Variants in P3H2 observed in about 807,000 individuals in gnomAD.
P3H2 encodes the protein prolyl 3-hydroxylase 2.
In P3H2, 80 loss-of-function variants were observed where a neutral mutation model predicts 87.0. That is an observed-to-expected ratio of 0.92 (90% confidence interval 0.77 to 1.11). The LOEUF (loss-of-function observed/expected upper bound fraction) is 1.11. P3H2 is among the 50% of genes least tolerant of loss of function. P3H2 has a pLI of 0.00. For synonymous variants in P3H2, 367 were observed against 359.3 expected (o/e 1.02, Z -0.24); for missense variants, 1,001 against 923.9 (o/e 1.08, Z -1.08).
At chr3:190,118,897 AGCCTG>A (rs1712401443) in intron 1 of P3H2, among the ~76,000 whole-genome samples, 1 of 151,692 alleles carries the variant, frequency 6.6e-6, no homozygotes, top group South Asian at 2.1e-4. Flanking sequence ...GTTCGAGACC[AGCCTG>A]GCCAACATGG....
chr3:189,986,740 G>T, intron 6 of P3H2, 48 bp downstream of exon 6: 1 of 1,310,664 alleles, frequency 7.6e-7, no homozygotes, highest in South Asian at 1.2e-5. Context: ...ACATAAAAAG[G>T]ATTCCACTGA....
chr3:190,081,782 GA>G (rs1727052147), intron 1 of P3H2, among the ~76,000 whole-genome samples: 1 of 152,192 alleles, frequency 6.6e-6, no homozygotes, highest in Admixed American at 6.5e-5. Flanking sequence ...GTTATAATAT[GA>G]AATGCAGACA....
chr3:190,112,805 T>TA (rs1261796357), intron 1 of P3H2, among the ~76,000 whole-genome samples: 1 of 151,570 alleles, frequency 6.6e-6, no homozygotes, highest in African/African-American at 2.4e-5. Flanking sequence ...TTTTTAGAGA[T>TA]ATGTGTAGGC....
At chr3:190,093,176 A>G (rs1367469328) in intron 1 of P3H2, among the ~76,000 whole-genome samples, 1 of 152,222 alleles carries the variant, frequency 6.6e-6, no homozygotes, top group Non-Finnish European at 1.5e-5. Context: ...AAACAACTCT[A>G]AAACCTTAGT....
rs1242451649 is a variant in P3H2, at chr3:189,970,177, C to CAT, written c.1893+637_1893+638dup. On this transcript the variant is annotated intron_variant, in intron 13 of 14. Transcript: ENST00000319332. ...AGTCACAATCATATATCTCTCTATG[C>CAT]ATATATATATGCAAATATATATATA... 3.5e-4 allele frequency among the ~76,000 whole-genome samples: 17 copies of CAT among 48,292 alleles called. No individual in the cohort carries two copies. In the East Asian group the frequency reaches 0.01, roughly 29 times the overall value. 31.7% of individuals were successfully genotyped at this position (48,292 alleles called of 152,430 possible).
chr3:190,117,921 G>C (rs939446051), intron 1 of P3H2, among the ~76,000 whole-genome samples: 1 of 152,168 alleles, frequency 6.6e-6, no homozygotes, highest in Non-Finnish European at 1.5e-5. Flanking sequence ...GAAGACGCAA[G>C]ACTTGTTCTG....
At chr3:190,065,921 T>C (rs965131329) in intron 1 of P3H2, among the ~76,000 whole-genome samples, 1 of 152,074 alleles carries the variant, frequency 6.6e-6, no homozygotes, top group Admixed American at 6.6e-5. Flanking sequence ...GTCGTTCAGG[T>C]AGAAGAATTT....
intron 1 of P3H2, among the ~76,000 whole-genome samples, chr3:190,066,207 A>G (rs1312021658): frequency 6.6e-6 from 1 of 151,488 alleles, no homozygotes. Context: ...ATATGATGGA[A>G]TATGGATATA....
At chr3:189,964,259 C>T (rs777920858) in intron 13 of P3H2, 161 bp from the exon 14 acceptor site, 13 of 721,022 alleles carry the variant, frequency 1.8e-5, no homozygotes, top group East Asian at 2.7e-5. Flanking sequence ...TTTTCTCACC[C>T]GTAAAACAAA....
chr3:190,072,228 T>A (rs1048942162), intron 1 of P3H2, among the ~76,000 whole-genome samples: 1 of 152,158 alleles, frequency 6.6e-6, no homozygotes, highest in African/African-American at 2.4e-5. Flanking sequence ...GGTTTGACCA[T>A]GTTGGCCAGG....
chr3:190,052,519 G>C (rs367557561), intron 1 of P3H2, among the ~76,000 whole-genome samples: 2 of 151,974 alleles, frequency 1.3e-5, no homozygotes, highest in African/African-American at 4.8e-5. Flanking sequence ...AGCTCACATT[G>C]ATTGAGATCT....
At chr3:190,094,323 C>T (rs1020273565) in intron 1 of P3H2, among the ~76,000 whole-genome samples, 1 of 152,216 alleles carries the variant, frequency 6.6e-6, no homozygotes, top group African/African-American at 2.4e-5. Context: ...TTTAGTATTT[C>T]AACTAGCCTC....
intron 1 of P3H2, among the ~76,000 whole-genome samples, chr3:190,065,583 CT>C (rs1577305252): frequency 6.6e-6 from 1 of 152,042 alleles, no homozygotes. Context: ...GAATTACTTT[CT>C]AACTGAAGAC....
chr3:189,971,303 G>C (rs1180734589), intron 12 of P3H2, among the ~76,000 whole-genome samples: 1 of 152,210 alleles, frequency 6.6e-6, no homozygotes, highest in African/African-American at 2.4e-5. Context: ...TTGCTGAAGA[G>C]TTCCTTGTGG....
intron 1 of P3H2, among the ~76,000 whole-genome samples, chr3:190,079,614 C>CA (rs1204680925): frequency 8.5e-5 from 13 of 152,156 alleles, no homozygotes; most frequent in Non-Finnish European, 8.8e-5. Flanking sequence ...TCCCAAAACA[C>CA]AGAGACACTG....
chr3:190,120,811 T>G lies in P3H2; in HGVS notation c.-80A>C. On this transcript the variant is annotated 5_prime_UTR_variant, in exon 1 of 15. Coordinates refer to ENST00000319332, the MANE Select transcript of P3H2 (RefSeq NM_018192.4). ...TCGCGTCCGGGTCCCCTCTCCCACC[T>G]TCCCTCGGGGAAGCGCGCCGACTCC... 4.1e-6 allele frequency: 6 copies of G among 1,473,056 alleles called. No homozygotes were observed. Among genetic ancestry groups the G allele is most frequent in the Non-Finnish European group, 5.4e-6 (6 of 1,115,762 alleles). The allele number at this position is 1,473,056 out of a possible 1,614,324, so 91.2% of individuals were successfully genotyped here. A position where few individuals can be genotyped will look rare whatever the true frequency, so the allele number is the denominator to read the frequency against.
At chr3:190,080,584 T>C (rs1231774265) in intron 1 of P3H2, among the ~76,000 whole-genome samples, 1 of 152,058 alleles carries the variant, frequency 6.6e-6, no homozygotes, top group African/African-American at 2.4e-5. Flanking sequence ...GTATTTTTAG[T>C]AAAGACAGGG....
At chr3:190,053,455 T>G (rs1391690549) in intron 1 of P3H2, among the ~76,000 whole-genome samples, 45 of 150,508 alleles carry the variant, frequency 3.0e-4, no homozygotes, top group African/African-American at 5.3e-4. Context: ...AAGTGGTTTT[T>G]TTTTTTTTTT....
intron 1 of P3H2, among the ~76,000 whole-genome samples, chr3:190,046,823 G>A (rs1725822679): frequency 6.6e-6 from 1 of 151,846 alleles, no homozygotes; most frequent in Admixed American, 6.6e-5. Context: ...ACCCTATTAA[G>A]CCACTCTAAT....
Sources: gnomAD v4.1 joint callset for allele counts (sites outside exome capture counted in the v4.1 genomes callset) on GRCh38, gnomAD v4.1.1 for gene constraint, MANE v1.5 for transcripts, NCBI Gene and HGNC (gene_info 2026-07-23, HGNC 2026-07-21) for gene names.